TMEM131: variants seen among roughly 807,000 people sequenced by gnomAD.
TMEM131 encodes transmembrane protein 131.
A neutral mutation model predicts 211.6 loss-of-function variants in TMEM131; 66 were observed. That is an observed-to-expected ratio of 0.31 (90% CI 0.26 to 0.38). TMEM131 has a LOEUF of 0.38. Among genes scored for constraint, TMEM131 ranks in the 10% least tolerant of loss-of-function variants. The pLI, the probability that TMEM131 is intolerant of heterozygous loss-of-function variation, is 1.00. For missense variants in TMEM131, 2,036 were observed against 2,299.3 expected (o/e 0.89, Z 2.34); for synonymous variants, 844 against 841.3 (o/e 1.00, Z -0.06).
chr2:97,947,540 G>A (rs1343957887), intron 1 of TMEM131, among the ~76,000 whole-genome samples: 1 of 151,996 alleles, frequency 6.6e-6, no homozygotes, highest in Non-Finnish European at 1.5e-5. Context: ...ACAAAATACA[G>A]CTGGAAGAAA....
intron 5 of TMEM131, among the ~76,000 whole-genome samples, chr2:97,850,330 T>C (rs561174689): frequency 6.6e-6 from 1 of 152,316 alleles, no homozygotes; most frequent in East Asian, 1.9e-4. Context: ...TGAGTCATTC[T>C]GGGCACCGCA....
chr2:97,834,915 G>A lies in TMEM131; in HGVS notation c.815C>T (p.Pro272Leu). 1 of 1,613,548 alleles carries A rather than the reference G, an allele frequency of 6.2e-7. No individual in the cohort carries two copies. Residue 272 changes from proline (P) to leucine (L), a missense_variant, in exon 9 of 41, where the codon CCT becomes CTT. By Grantham distance (98) the Pro-to-Leu change is moderately conservative (BLOSUM62 -3). Coordinates refer to ENST00000186436, the MANE Select transcript of TMEM131 (RefSeq NM_015348.2). ...GGTRKLWEIP[P>L]YETKGVMRAS... is the part of the protein sequence containing the mutation. ...TCTCATCACTCCCTTGGTTTCATAA[G>A]GAGGAATTTCCTGACAAGTTAACAG...
chr2:97,895,669 G>A (rs963009743), intron 3 of TMEM131, among the ~76,000 whole-genome samples: 50 of 152,132 alleles, frequency 3.3e-4, no homozygotes, highest in African/African-American at 9.2e-4. Context: ...GGTGTTTATA[G>A]TATTCTCTGA....
chr2:97,988,033 T>G (rs1192217552), intron 1 of TMEM131, among the ~76,000 whole-genome samples: 2 of 151,942 alleles, frequency 1.3e-5, no homozygotes, highest in African/African-American at 4.8e-5. Context: ...CAGTTAGAGG[T>G]CTCACATTTC....
intron 3 of TMEM131, among the ~76,000 whole-genome samples, chr2:97,897,041 A>AT (rs893912869): frequency 4.0e-5 from 6 of 151,828 alleles, no homozygotes; most frequent in Admixed American, 6.6e-5. Flanking sequence ...AGGTCTCAAC[A>AT]TTTTTTTTGT....
intron 3 of TMEM131, among the ~76,000 whole-genome samples, chr2:97,905,234 T>C (rs1016495041): frequency 6.6e-6 from 1 of 152,208 alleles, no homozygotes; most frequent in African/African-American, 2.4e-5. Flanking sequence ...TGTTTTAGAT[T>C]AGCGATTTTT....
chr2:97,849,367 T>C (rs991034315), intron 5 of TMEM131, among the ~76,000 whole-genome samples: 5 of 152,148 alleles, frequency 3.3e-5, no homozygotes, highest in East Asian at 1.9e-4. Flanking sequence ...GCCAATGAAA[T>C]ACTATTCCAT....
At chr2:97,976,026 C>G (rs1440467748) in intron 1 of TMEM131, among the ~76,000 whole-genome samples, 1 of 152,070 alleles carries the variant, frequency 6.6e-6, no homozygotes, top group Non-Finnish European at 1.5e-5. Context: ...TAAAAACTCT[C>G]TTCAAACAAG....
Position 97,795,109 on chromosome 2 carries a change from A to G in TMEM131, c.3207T>C (p.Thr1069=). ...TAACTCTAGAAGCTGTAAAATCAGG[A>G]GTAAACCTAAAACAGAATGATGGTA... ...NASRDIIILF[T]PDFTASRVIR... Residue 1069 remains threonine, a synonymous_variant, in exon 29 of 41, where the codon ACT becomes ACC. Transcript: ENST00000186436. 6.2e-7 allele frequency: 1 copy of G among 1,611,562 alleles called. No homozygotes were observed. The highest frequency in any genetic ancestry group is 8.5e-7 in the Non-Finnish European group (1 of 1,178,682).
intron 11 of TMEM131, among the ~76,000 whole-genome samples, chr2:97,822,182 A>G (rs2105011870): frequency 6.6e-6 from 1 of 152,226 alleles, no homozygotes; most frequent in South Asian, 2.1e-4. Flanking sequence ...TTTCCAGTAT[A>G]AACTCCAGGA....
Position 97,797,495 on chromosome 2 carries a change from T to C in TMEM131, c.2740A>G (p.Thr914Ala). The C allele has an allele frequency of 1.9e-6, 3 of 1,613,212 alleles. No individual in the cohort carries two copies. Among genetic ancestry groups the C allele is most frequent in the East Asian group, 2.2e-5 (1 of 44,862 alleles). ...CGAGAGAGGCCCTCCATAAATCCTG[T>C]TGAACTCTGCAGTGGATGAGCCTTG... ...RNSAHPLQSS[T>A]GFMEGLSRHL... is the part of the protein sequence containing the mutation. Residue 914 changes from threonine (T) to alanine (A), a missense_variant, in exon 26 of 41, where the codon ACA (threonine) becomes GCA (alanine). Coordinates refer to ENST00000186436, the MANE Select transcript of TMEM131 (RefSeq NM_015348.2).
chr2:97,761,723 C>CTTCA (rs765791107), intron 36 of TMEM131: 11 of 248,866 alleles, frequency 4.4e-5, no homozygotes, highest in African/African-American at 6.8e-5. Flanking sequence ...CCCTTTAGGT[C>CTTCA]TTCATGTAAG....
At position 97,888,077 on chromosome 2, in the gene TMEM131, G is replaced by T; in HGVS notation, c.334C>A (p.Pro112Thr). The T allele has an allele frequency of 1.2e-6, 2 of 1,613,572 alleles. No homozygotes were observed. Among genetic ancestry groups the T allele is most frequent in the Non-Finnish European group, 1.7e-6 (2 of 1,179,622 alleles). ...RGNCRPIRFEPPMLDFHEQPV... is the reference protein window; with the variant it reads ...RGNCRPIRFETPMLDFHEQPV... Reference sequence around the variant, plus strand: ...TGTTCATGGAAATCCAGCATTGGTGGCTCAAATCGTATGGGCCTGCAATTC... The same window carrying T: ...TGTTCATGGAAATCCAGCATTGGTGTCTCAAATCGTATGGGCCTGCAATTC... The change falls in exon 4 of 41, where the codon CCA (proline) becomes ACA (threonine). Residue 112 changes from proline to threonine, a missense_variant. By Grantham distance (38) the Pro-to-Thr change is conservative. Transcript: ENST00000186436.
At position 97,764,262 on chromosome 2, in the gene TMEM131, C is replaced by T. The variant is rs201167606; in HGVS notation, c.4723+1852G>A. ...TAAGCTTGGCACTGCCAACAGCGCT[C>T]GCAGAACTTCAGGTCTAAGCAAGAC... On this transcript the variant is annotated intron_variant, in intron 35 of 40. Transcript: ENST00000186436. The T allele has an allele frequency of 9.8e-5, 15 of 152,418 alleles. No individual in the cohort carries two copies. In the East Asian group the frequency reaches 2.1e-3, roughly 22 times the overall value. 9.4% of individuals were successfully genotyped at this position (152,418 alleles called of 1,614,324 possible). A position where few individuals can be genotyped will look rare whatever the true frequency, so the allele number is the denominator to read the frequency against.
At chr2:97,959,430 G>A (rs1678717223) in intron 1 of TMEM131, among the ~76,000 whole-genome samples, 1 of 152,066 alleles carries the variant, frequency 6.6e-6, no homozygotes, top group Non-Finnish European at 1.5e-5. Flanking sequence ...TTTTCTTGGC[G>A]CACCTTTTAC....
chr2:97,862,404 C>T (rs544359106), intron 4 of TMEM131, among the ~76,000 whole-genome samples: 1 of 151,938 alleles, frequency 6.6e-6, no homozygotes, highest in South Asian at 2.1e-4. Context: ...GGGACCAATC[C>T]GAGAGAAACA....
At chr2:97,929,957 A>G (rs1003317965) in intron 1 of TMEM131, among the ~76,000 whole-genome samples, 3 of 151,794 alleles carry the variant, frequency 2.0e-5, no homozygotes, top group African/African-American at 7.3e-5. Flanking sequence ...AAGTAAAGTG[A>G]TAAACTCATT....
chr2:97,950,327 C>T (rs1298843988), intron 1 of TMEM131, among the ~76,000 whole-genome samples: 2 of 152,154 alleles, frequency 1.3e-5, no homozygotes, highest in Non-Finnish European at 2.9e-5. Context: ...AAGCTACGTA[C>T]CTAAGATGTG....
chr2:97,920,503 ATGTCATCAAGCTCAG>A (rs1676694957), intron 2 of TMEM131, among the ~76,000 whole-genome samples: 1 of 152,234 alleles, frequency 6.6e-6, no homozygotes, highest in African/African-American at 2.4e-5. Context: ...AACTGAAGAA[ATGTCATCAAGCTCAG>A]ATGATAGTTT....
Sources: gnomAD v4.1 joint callset for allele counts (sites outside exome capture counted in the v4.1 genomes callset) on GRCh38, gnomAD v4.1.1 for gene constraint, MANE v1.5 for transcripts, NCBI Gene and HGNC (gene_info 2026-07-23, HGNC 2026-07-21) for gene names.